The following SYN3 variants were observed in gnomAD, a reference collection of about 807,000 sequenced individuals.
The protein encoded by SYN3 is synapsin-3.
SYN3 carries 35 observed loss-of-function variants against 65.8 expected under a neutral mutation model. The ratio of observed to expected loss-of-function variants is 0.53; its 90% CI spans 0.41 to 0.70. The LOEUF (loss-of-function observed/expected upper bound fraction) is 0.70, where lower values mean the gene tolerates loss of function less well. SYN3 is among the 30% of genes least tolerant of loss of function. The pLI, the probability that SYN3 is intolerant of heterozygous loss-of-function variation, is 0.00. For missense variants in SYN3, 680 were observed against 749.0 expected, an observed-to-expected ratio of 0.91 and a Z score of 1.08; for synonymous variants, 270 against 292.9, an observed-to-expected ratio of 0.92 and a Z score of 0.80.
At chr22:32,565,999 A>G (rs1303557009) in intron 7 of SYN3, among the ~76,000 whole-genome samples, 1 of 152,040 alleles carries the variant, frequency 6.6e-6, no homozygotes, top group Non-Finnish European at 1.5e-5. Context: ...GGCATAAGCC[A>G]CCGCGCCCAG....
intron 6 of SYN3, among the ~76,000 whole-genome samples, chr22:32,714,939 A>G (rs184825637): frequency 2.0e-5 from 3 of 152,266 alleles, no homozygotes; most frequent in Admixed American, 6.5e-5. Flanking sequence ...CTCATCTCCC[A>G]TGGTATTTAG....
intron 6 of SYN3, among the ~76,000 whole-genome samples, chr22:32,629,127 T>C (rs534822403): frequency 2.0e-5 from 3 of 152,292 alleles, no homozygotes; most frequent in Non-Finnish European, 2.9e-5. Flanking sequence ...CCCAAATATT[T>C]GGTGAAATCC....
At chr22:32,650,230 TCTCCCTCCCTCCCTCCCTCCCTCCCTCC>T (rs747251948) in intron 6 of SYN3, among the ~76,000 whole-genome samples, 1 of 93,296 alleles carries the variant, frequency 1.1e-5, no homozygotes, top group African/African-American at 6.9e-5. Context: ...TCTCTCTCTC[TCTCCCTCCCTCCCTCCCTCCCTCCCTCC>T]CTCTCTCTCT....
chr22:32,615,160 C>A (rs957490801), intron 6 of SYN3, among the ~76,000 whole-genome samples: 2 of 152,086 alleles, frequency 1.3e-5, no homozygotes, highest in Non-Finnish European at 2.9e-5. Flanking sequence ...TGCCTGTAAT[C>A]CCAGCCATGG....
intron 12 of SYN3, among the ~76,000 whole-genome samples, chr22:32,520,317 T>G (rs2057857406): frequency 6.6e-6 from 1 of 151,688 alleles, no homozygotes; most frequent in Admixed American, 6.6e-5. Flanking sequence ...TTTTTTTTTT[T>G]GTAGAGATGG....
intron 6 of SYN3, among the ~76,000 whole-genome samples, chr22:32,681,517 A>G (rs2060522496): frequency 6.6e-6 from 1 of 152,244 alleles, no homozygotes; most frequent in Non-Finnish European, 1.5e-5. Context: ...ACCATATGAG[A>G]AAACCACGAC....
chr22:33,055,201 A>T (rs1170018088), intron 1 of SYN3, among the ~76,000 whole-genome samples: 2 of 152,232 alleles, frequency 1.3e-5, no homozygotes, highest in Admixed American at 6.5e-5. Context: ...ACACAAATAT[A>T]CACTATCACA....
At chr22:32,826,727 A>C (rs988830515) in intron 6 of SYN3, among the ~76,000 whole-genome samples, 1 of 152,216 alleles carries the variant, frequency 6.6e-6, no homozygotes, top group African/African-American at 2.4e-5. Flanking sequence ...ACGTGTCTTC[A>C]GATTCTGCAA....
At chr22:32,859,130 G>C in intron 6 of SYN3, 1 of 1,599,072 alleles carries the variant, frequency 6.3e-7, no homozygotes, top group Middle Eastern at 1.7e-4. Flanking sequence ...CCTCAGGCCT[G>C]GGCATACCAT....
rs944249406 is a variant in SYN3 at position 32,508,482 on chromosome 22, C to T, written c.*5210G>A. On this transcript the variant is annotated 3_prime_UTR_variant, in exon 14 of 14. Coordinates refer to ENST00000358763, the MANE Select transcript of SYN3 (RefSeq NM_003490.4). The stretch of plus-strand genomic sequence containing the variant: ...TCACACAAAGCCTGTTTAGTGGTCT[C>T]TTCACACAGACGCGCATGAAAGGGG... Among the ~76,000 whole-genome samples the T allele has an allele frequency of 6.6e-5, 10 of 152,290 alleles. No homozygotes were observed. Among genetic ancestry groups the T allele is most frequent in the African/African-American group, 2.4e-4 (10 of 41,568 alleles).
At chr22:32,627,664 C>G (rs1177653460) in intron 6 of SYN3, among the ~76,000 whole-genome samples, 1 of 152,118 alleles carries the variant, frequency 6.6e-6, no homozygotes, top group East Asian at 1.9e-4. Flanking sequence ...TCCAGACACC[C>G]AGACACACAC....
At chr22:33,050,195 G>A (rs1294949866) in intron 1 of SYN3, among the ~76,000 whole-genome samples, 1 of 152,022 alleles carries the variant, frequency 6.6e-6, no homozygotes, top group Non-Finnish European at 1.5e-5. Context: ...CAAATTGAGG[G>A]GCTTGGCCAG....
Position 32,518,098 on chromosome 22 carries a change from T to TACTA in SYN3, c.1551_1554dup (p.Thr519Ter), listed in dbSNP as rs763773261. On this transcript the variant is annotated stop_gained and frameshift_variant, in exon 13 of 14. Coordinates refer to ENST00000358763, the MANE Select transcript of SYN3 (RefSeq NM_003490.4). LOFTEE classifies it high-confidence loss of function. ...TTGGACTCTTCACCCTGCTGGGAGG[T>TACTA]ACTACGGCCCTGCACAGGGGGCCGG... The TACTA allele has an allele frequency of 1.3e-6, 2 of 1,566,722 alleles. No homozygotes were observed. The highest frequency in any genetic ancestry group is 3.8e-5 in the Admixed American group (2 of 52,274).
chr22:32,961,741 G>T (rs191079557), intron 3 of SYN3, among the ~76,000 whole-genome samples: 1 of 152,244 alleles, frequency 6.6e-6, no homozygotes, highest in African/African-American at 2.4e-5. Context: ...GCGGAGGGCC[G>T]GGGGTTGCAC....
chr22:32,792,865 T>C (rs112234142), intron 6 of SYN3, among the ~76,000 whole-genome samples: 11 of 152,318 alleles, frequency 7.2e-5, no homozygotes, highest in African/African-American at 2.2e-4. Context: ...CACATTGACT[T>C]TGAAGTCTTC....
At chr22:32,916,316 T>C (rs985812521) in intron 4 of SYN3, among the ~76,000 whole-genome samples, 5 of 152,242 alleles carry the variant, frequency 3.3e-5, no homozygotes, top group East Asian at 3.8e-4. Flanking sequence ...AATAAAATGG[T>C]TGTGGGTTTA....
chr22:32,586,140 A>C (rs1242217412), intron 7 of SYN3, among the ~76,000 whole-genome samples: 1 of 149,286 alleles, frequency 6.7e-6, no homozygotes, highest in Admixed American at 6.6e-5. Flanking sequence ...ATGTATATAC[A>C]TATACACATA....
intron 3 of SYN3, among the ~76,000 whole-genome samples, chr22:32,952,240 G>C (rs1719613856): frequency 6.6e-6 from 1 of 151,840 alleles, no homozygotes; most frequent in Non-Finnish European, 1.5e-5. Flanking sequence ...CTGTGTGTGT[G>C]TGAATATTGA....
chr22:32,518,872 T>C (rs1299623821), intron 12 of SYN3, among the ~76,000 whole-genome samples: 1 of 152,138 alleles, frequency 6.6e-6, no homozygotes, highest in African/African-American at 2.4e-5. Flanking sequence ...GCAATTCTAT[T>C]TGGAGATAGG....
Sources: allele counts gnomAD v4.1 joint callset (sites outside exome capture counted in the v4.1 genomes callset), GRCh38; gene constraint gnomAD v4.1.1; transcripts MANE v1.5; gene names NCBI Gene and HGNC (gene_info 2026-07-23, HGNC 2026-07-21).